The following PIGG variants were observed in gnomAD, a reference collection of about 807,000 sequenced individuals.
The protein encoded by PIGG is GPI ethanolamine phosphate transferase 2, catalytic subunit.
PIGG carries 70 observed loss-of-function variants against 83.2 expected under a neutral mutation model. That is an observed-to-expected ratio of 0.84 (90% CI 0.69 to 1.03). PIGG has a LOEUF of 1.03. Ranked by LOEUF, PIGG falls within the 50% of genes least tolerant of loss-of-function variation. PIGG has a pLI of 0.00. For missense variants in PIGG, 1,257 were observed against 1,233.6 expected (o/e 1.02, Z -0.28); for synonymous variants, 532 against 519.5 (o/e 1.02, Z -0.33).
At chr4:526,984 AT>A (rs2108994150) in intron 9 of PIGG, 54 bp from the exon 10 acceptor site, 1 of 1,606,038 alleles carries the variant, frequency 6.2e-7, no homozygotes, top group East Asian at 2.2e-5. Flanking sequence ...CTTGGTGTAG[AT>A]TGATCTTGTC....
intron 5 of PIGG, among the ~76,000 whole-genome samples, chr4:512,130 C>T (rs1722168335): frequency 6.6e-6 from 1 of 151,140 alleles, no homozygotes; most frequent in South Asian, 2.1e-4. Context: ...CTCTATTGAT[C>T]TATCTTTAAA....
chr4:510,350 C>G (rs1255128167), intron 5 of PIGG, among the ~76,000 whole-genome samples: 3 of 152,222 alleles, frequency 2.0e-5, no homozygotes, highest in African/African-American at 7.2e-5. Flanking sequence ...TTCTCTCATG[C>G]TATTGTTTGT....
chr4:516,239 T>G, intron 6 of PIGG, 54 bp downstream of exon 6: 2 of 1,241,946 alleles, frequency 1.6e-6, no homozygotes, highest in Non-Finnish European at 2.4e-6. Context: ...TCCACTGAGC[T>G]CGGGTTTCTC....
intron 4 of PIGG, among the ~76,000 whole-genome samples, chr4:508,061 T>A (rs1720473469): frequency 6.6e-6 from 1 of 152,252 alleles, no homozygotes; most frequent in African/African-American, 2.4e-5. Context: ...ATGTCACTTT[T>A]TGTCCATGCA....
chr4:507,346 G>A, intron 3 of PIGG, 59 bp from the exon 4 acceptor site: 1 of 1,355,710 alleles, frequency 7.4e-7, no homozygotes, highest in Non-Finnish European at 1.0e-6. Flanking sequence ...GTTTTCCCCG[G>A]GGAGTGAAGA....
chr4:528,322 TA>T lies in PIGG; in HGVS notation c.2261+1093del. ...ATCATAAGATTGTGGTCTTGCTTTT[TA>T]CTTATTTTTGTATCTTAGCGATGTC... On this transcript the variant is annotated intron_variant, in intron 10 of 12. Coordinates refer to ENST00000453061, the MANE Select transcript of PIGG (RefSeq NM_001127178.3). The surrounding 1 kb of genome is among the most constrained non-coding windows in gnomAD (Gnocchi z 4.8). 1.0e-6 allele frequency: 1 copy of T among 985,018 alleles called. No homozygotes were observed. Among genetic ancestry groups the T allele is most frequent in the Non-Finnish European group, 1.2e-6 (1 of 829,502 alleles). The allele number at this position is 985,018 out of a possible 1,614,324, so 61.0% of individuals were successfully genotyped here.
chr4:526,910 A>C (rs1442087665), intron 9 of PIGG, 129 bp from the exon 10 acceptor site: 4 of 1,023,128 alleles, frequency 3.9e-6, no homozygotes, highest in Non-Finnish European at 5.7e-6. Context: ...AAAATCAACA[A>C]TTTCATGTAA....
chr4:528,681 GT>G lies in PIGG; in HGVS notation c.2261+1454del. On this transcript the variant is annotated intron_variant, in intron 10 of 12. Coordinates refer to ENST00000453061, the MANE Select transcript of PIGG (RefSeq NM_001127178.3). The surrounding 1 kb of genome is among the most constrained non-coding windows in gnomAD (Gnocchi z 4.8). ...ATGGATGTTACATTTGCGGGTGTGT[GT>G]TTAAGGTGCAGCGTATGAATAAATT... 2 of 985,374 alleles carry G rather than the reference GT, an allele frequency of 2.0e-6. No homozygotes were observed. The highest frequency in any genetic ancestry group is 2.4e-6 in the Non-Finnish European group (2 of 829,880). The allele number at this position is 985,374 out of a possible 1,614,324, so 61.0% of individuals were successfully genotyped here.
At chr4:536,979 AC>A (rs1161538601) in intron 12 of PIGG, 1 of 152,136 alleles carries the variant, frequency 6.6e-6, no homozygotes, top group African/African-American at 2.4e-5. Context: ...TTCATCTCTT[AC>A]ACAGCCAGGC....
chr4:534,092 T>G, intron 12 of PIGG, 111 bp downstream of exon 12: 2 of 853,756 alleles, frequency 2.3e-6, no homozygotes, highest in Non-Finnish European at 3.6e-6. Flanking sequence ...TCCAACAGTC[T>G]TTTCAACAGT....
chr4:522,250 C>T lies in PIGG; in HGVS notation c.1614+309C>T, dbSNP rs113112683. The T allele has an allele frequency of 2.1e-3, 1,191 of 578,394 alleles. 2 individuals are homozygous for T. Among genetic ancestry groups the T allele is most frequent in the Non-Finnish European group, 3.0e-3 (962 of 323,694 alleles). 35.8% of individuals were successfully genotyped at this position (578,394 alleles called of 1,614,324 possible). A position where few individuals can be genotyped will look rare whatever the true frequency, so the allele number is the denominator to read the frequency against. On this transcript the variant is annotated intron_variant, in intron 8 of 12. Transcript: ENST00000453061. ...TGGCGGTCACAGAGGAACAAGCCCC[C>T]CCGCTGAGGGGGTGTGTGAATCGGA...
intron 12 of PIGG, among the ~76,000 whole-genome samples, chr4:534,894 C>T (rs1414664935): frequency 6.6e-6 from 1 of 152,180 alleles, no homozygotes; most frequent in African/African-American, 2.4e-5. Flanking sequence ...CGCAGCCCCC[C>T]ATCCACATGC....
chr4:538,727 G>C (rs2109070233), intron 12 of PIGG, among the ~76,000 whole-genome samples: 1 of 152,278 alleles, frequency 6.6e-6, no homozygotes, highest in East Asian at 1.9e-4. Context: ...TGTAGGGGGG[G>C]CTCCAGAGTG....
chr4:538,781 G>A (rs552758864), intron 12 of PIGG, among the ~76,000 whole-genome samples: 4 of 152,212 alleles, frequency 2.6e-5, no homozygotes, highest in Non-Finnish European at 5.9e-5. Context: ...ATACAGTCAA[G>A]TTTCAGAAGC....
intron 12 of PIGG, chr4:537,027 G>C (rs1359214198): frequency 1.3e-5 from 2 of 152,224 alleles, no homozygotes; most frequent in Non-Finnish European, 2.9e-5. Context: ...CAAATATTAA[G>C]TGAGGTGAAA....
In PIGG at chr4:500,461, G is replaced by C. The variant is rs1446489399; in HGVS notation, c.220G>C (p.Asp74His). The change falls in exon 2 of 13, where the codon GAT becomes CAT. Residue 74 changes from aspartate to histidine, a missense_variant. Coordinates refer to ENST00000453061, the MANE Select transcript of PIGG (RefSeq NM_001127178.3). ...LFSKVVIVLI[D>H]ALRDDFVFGS... ...CAGTAAAGTTGTTATTGTTCTGATA[G>C]ATGCCTTGAGAGATGATTTTGTGTT... 2 of 1,613,692 alleles carry C rather than the reference G, an allele frequency of 1.2e-6. No homozygotes were observed. The highest frequency in any genetic ancestry group is 2.7e-5 in the African/African-American group (2 of 74,886).
rs912181190 is a variant in PIGG, at chr4:499,319, A to G, written c.-17A>G. The G allele has an allele frequency of 2.5e-6, 4 of 1,604,316 alleles. No individual in the cohort carries two copies. The South Asian group carries it at 3.3e-5, about 13-fold the overall frequency. ...TCCAGGTGGGGTCGGTTCCGCATCC[A>G]GCCTAGCGTGTCCACGATGCGGCTG... is the stretch of plus-strand genomic sequence containing the variant. On this transcript the variant is annotated 5_prime_UTR_variant, in exon 1 of 13. Transcript: ENST00000453061.
chr4:518,851 A>T (rs1724823100), intron 6 of PIGG, among the ~76,000 whole-genome samples: 1 of 151,938 alleles, frequency 6.6e-6, no homozygotes, highest in African/African-American at 2.4e-5. Context: ...TGACACTGAA[A>T]TACGTTTTAG....
Position 499,490 on chromosome 4 carries a change from G to C in PIGG, c.154+1G>C, listed in dbSNP as rs1296333594. ...CCCCCAGCGCCCGAACCCTCGGCTG[G>C]TACGGACCCCTCCCCGGCGTCTCCG... On this transcript the variant is annotated splice_donor_variant, in intron 1 of 12. Coordinates refer to ENST00000453061, the MANE Select transcript of PIGG (RefSeq NM_001127178.3). LOFTEE classifies it high-confidence loss of function. 6.3e-7 allele frequency: 1 copy of C among 1,592,768 alleles called. No individual in the cohort carries two copies. Among genetic ancestry groups the C allele is most frequent in the African/African-American group, 1.3e-5 (1 of 74,724 alleles).
Sources: allele counts gnomAD v4.1 joint callset (sites outside exome capture counted in the v4.1 genomes callset), GRCh38; gene constraint gnomAD v4.1.1; non-coding constraint Gnocchi (gnomAD v3.1); transcripts MANE v1.5; gene names NCBI Gene and HGNC (gene_info 2026-07-23, HGNC 2026-07-21).